ZC3H12B: variants seen among roughly 807,000 people sequenced by gnomAD.
ZC3H12B encodes the protein zinc finger CCCH-type containing 12B.
A neutral mutation model predicts 43.9 loss-of-function variants in ZC3H12B; 7 were observed. That is an observed-to-expected ratio of 0.16 (90% CI 0.09 to 0.30). The LOEUF (loss-of-function observed/expected upper bound fraction) is 0.30, where lower values mean the gene tolerates loss of function less well. Ranked by LOEUF, ZC3H12B falls within the 10% of genes least tolerant of loss-of-function variation. The pLI, the probability that ZC3H12B is intolerant of heterozygous loss-of-function variation, is 1.00. For synonymous variants in ZC3H12B, 222 were observed against 241.7 expected, an observed-to-expected ratio of 0.92 and a Z score of 0.76; for missense variants, 475 against 670.2, an observed-to-expected ratio of 0.71 and a Z score of 3.22.
chrX:65,483,285 A>G (rs1206559514), intron 3 of ZC3H12B, among the ~76,000 whole-genome samples: 1 of 111,732 alleles, frequency 8.9e-6, no homozygotes, highest in Non-Finnish European at 1.9e-5. Context: ...ACTATTCAAG[A>G]GCACACAAAC....
the ZC3H12B span, among the ~76,000 whole-genome samples, chrX:65,055,291 A>G: frequency 1.8e-5 from 2 of 111,883 alleles, no homozygotes; most frequent in African/African-American, 3.2e-5. Context: ...AGTTTTTAGC[A>G]TAAAGGGCTG....
chrX:65,280,780 T>G, the ZC3H12B span, among the ~76,000 whole-genome samples: 1 of 111,449 alleles, frequency 9.0e-6, no homozygotes, highest in Non-Finnish European at 1.9e-5. Flanking sequence ...GGCAATCTCA[T>G]TTACAATAGC....
At chrX:65,440,412 G>A (rs775087289) in intron 3 of ZC3H12B, among the ~76,000 whole-genome samples, 8 of 112,549 alleles carry the variant, frequency 7.1e-5, no homozygotes, top group African/African-American at 9.7e-5. Context: ...CAGAAATCAC[G>A]TTAATAGGCA....
At chrX:65,115,872 C>A in the ZC3H12B span, among the ~76,000 whole-genome samples, 4 of 111,627 alleles carry the variant, frequency 3.6e-5, no homozygotes, top group African/African-American at 1.3e-4. Flanking sequence ...ACTGTCTCTT[C>A]ATGTCCTTTC....
At chrX:65,175,868 C>G in the ZC3H12B span, among the ~76,000 whole-genome samples, 3 of 111,982 alleles carry the variant, frequency 2.7e-5, no homozygotes, top group African/African-American at 9.7e-5. Context: ...GAAGATACTA[C>G]GCTTTACCCA....
chrX:65,412,860 G>C (rs2066920031), intron 3 of ZC3H12B, among the ~76,000 whole-genome samples: 1 of 109,427 alleles, frequency 9.1e-6, no homozygotes, highest in South Asian at 3.8e-4. Flanking sequence ...TGTTTTTTTT[G>C]AGGAAATGCA....
At chrX:65,083,892 T>C in the ZC3H12B span, among the ~76,000 whole-genome samples, 1 of 111,760 alleles carries the variant, frequency 8.9e-6, no homozygotes, top group Non-Finnish European at 1.9e-5. Flanking sequence ...AACACTGTGA[T>C]ACTAGAATAA....
At chrX:65,404,554 T>C (rs2066800310) in intron 3 of ZC3H12B, among the ~76,000 whole-genome samples, 2 of 111,739 alleles carry the variant, frequency 1.8e-5, no homozygotes, top group South Asian at 7.4e-4. Context: ...GGAGTAGCTA[T>C]ACTTATATCA....
the ZC3H12B span, among the ~76,000 whole-genome samples, chrX:65,227,337 C>G: frequency 9.0e-6 from 1 of 111,288 alleles, no homozygotes; most frequent in African/African-American, 3.3e-5. Flanking sequence ...AAACCAATGA[C>G]AACAAAGACA....
At chrX:65,406,757 C>G (rs2066833154) in intron 3 of ZC3H12B, among the ~76,000 whole-genome samples, 1 of 112,081 alleles carries the variant, frequency 8.9e-6, no homozygotes, top group Admixed American at 9.3e-5. Context: ...GCAGCAGAAG[C>G]AGCGGCGGGT....
the ZC3H12B span, among the ~76,000 whole-genome samples, chrX:65,049,120 T>G: frequency 9.0e-6 from 1 of 111,343 alleles, no homozygotes; most frequent in Non-Finnish European, 1.9e-5. Context: ...ATTCCGTGGG[T>G]TTCCTTTAAC....
At chrX:65,405,372 C>G (rs1003902094) in intron 3 of ZC3H12B, among the ~76,000 whole-genome samples, 1 of 112,627 alleles carries the variant, frequency 8.9e-6, no homozygotes, top group African/African-American at 3.2e-5. Context: ...GTAGTCCCAG[C>G]ACTTTGGGAG....
At chrX:65,228,162 A>G in the ZC3H12B span, among the ~76,000 whole-genome samples, 23 of 111,749 alleles carry the variant, frequency 2.1e-4, no homozygotes, top group African/African-American at 6.2e-4. Flanking sequence ...GAATCCAGCA[A>G]CACATCAAAA....
At chrX:65,334,390 T>C in the ZC3H12B span, among the ~76,000 whole-genome samples, 3 of 112,298 alleles carry the variant, frequency 2.7e-5, no homozygotes, top group Non-Finnish European at 5.6e-5. Flanking sequence ...TTTAACCCTT[T>C]AATATAGGCA....
intron 2 of ZC3H12B, among the ~76,000 whole-genome samples, chrX:65,388,474 CT>C (rs1243434622): frequency 8.9e-6 from 1 of 111,989 alleles, no homozygotes; most frequent in East Asian, 2.8e-4. Flanking sequence ...GTTCTCGTGC[CT>C]TGGTATTCAG....
the ZC3H12B span, among the ~76,000 whole-genome samples, chrX:65,340,529 G>T: frequency 2.7e-5 from 3 of 111,815 alleles, no homozygotes; most frequent in Non-Finnish European, 5.6e-5. Flanking sequence ...AGGAGCCAAA[G>T]AACAAAATTA....
chrX:65,395,174 C>T (rs772020165), intron 2 of ZC3H12B, among the ~76,000 whole-genome samples: 1 of 111,822 alleles, frequency 8.9e-6, no homozygotes, highest in Admixed American at 9.5e-5. Context: ...TTGACTTCCT[C>T]TCTTCCTATT....
At chrX:65,318,200 G>C in the ZC3H12B span, among the ~76,000 whole-genome samples, 1 of 102,703 alleles carries the variant, frequency 9.7e-6, no homozygotes, top group African/African-American at 3.8e-5. Flanking sequence ...TTTTTTTGAT[G>C]TTTTGATTAT....
the ZC3H12B span, among the ~76,000 whole-genome samples, chrX:65,129,161 T>C: frequency 9.1e-6 from 1 of 109,877 alleles, no homozygotes; most frequent in Non-Finnish European, 1.9e-5. Flanking sequence ...GAACATTTTT[T>C]AGAGTTTCAT....
Sources: allele counts gnomAD v4.1 joint callset (sites outside exome capture counted in the v4.1 genomes callset), GRCh38; gene constraint gnomAD v4.1.1; transcripts MANE v1.5; gene names NCBI Gene and HGNC (gene_info 2026-07-23, HGNC 2026-07-21).